Variants in ARAP3 observed in about 807,000 individuals in gnomAD.
ARAP3 encodes ArfGAP with RhoGAP domain, ankyrin repeat and PH domain 3.
ARAP3 carries 82 observed loss-of-function variants against 169.2 expected under a neutral mutation model. The ratio of observed to expected loss-of-function variants is 0.48; its 90% CI spans 0.41 to 0.58. The LOEUF is 0.58. Among genes scored for constraint, ARAP3 ranks in the 20% least tolerant of loss-of-function variants. The pLI is 0.00. For missense variants in ARAP3, 1,764 were observed against 2,018.0 expected (o/e 0.87, Z 2.41); for synonymous variants, 791 against 800.3 (o/e 0.99, Z 0.20).
Position 141,679,964 on chromosome 5 carries a change from T to G in ARAP3, c.523A>C (p.Lys175Gln). 1 of 1,614,116 alleles carries G rather than the reference T, an allele frequency of 6.2e-7. No homozygotes were observed. Residue 175 changes from lysine to glutamine, a missense_variant and splice_region_variant, in exon 2 of 33, where the codon AAG (lysine) becomes CAG (glutamine). By Grantham distance (53) the Lys-to-Gln change is moderately conservative. This residue lies in a region of ARAP3 where 630 missense variants were observed against 678.7 expected (regional missense o/e 0.93). Coordinates refer to ENST00000239440, the MANE Select transcript of ARAP3 (RefSeq NM_022481.6). ...CCCTAGGGAGCCAACTCCACTCACTTGTCCTGAGCTGCCTGTGCCCTGCCT... is the reference window on the plus strand; with the variant it reads ...CCCTAGGGAGCCAACTCCACTCACTGGTCCTGAGCTGCCTGTGCCCTGCCT... ...SRGRAQAAQD[K>Q]APDSSQISAP...
intron 32 of ARAP3, 147 bp downstream of exon 32, chr5:141,655,215 C>CACACA (rs2099909083): frequency 5.5e-5 from 22 of 400,230 alleles, no homozygotes; most frequent in Non-Finnish European, 7.6e-5. Context: ...ACACACACAC[C>CACACA]CTGATGGCCT....
At chr5:141,678,255 T>C (rs760748509) in intron 4 of ARAP3, among the ~76,000 whole-genome samples, 7 of 151,770 alleles carry the variant, frequency 4.6e-5, no homozygotes, top group Non-Finnish European at 1.0e-4. Flanking sequence ...CTGACCCTTA[T>C]CTGGCCTCTT....
In ARAP3 at chr5:141,680,033, C is replaced by T; in HGVS notation, c.454G>A (p.Val152Met). Residue 152 changes from valine to methionine, a missense_variant, in exon 2 of 33, where the codon GTG becomes ATG. Coordinates refer to ENST00000239440, the MANE Select transcript of ARAP3 (RefSeq NM_022481.6). ...TAGATGGAATTAGGCATCATCTCCA[C>T]AGTATTTAGGGCTGAAGACTGCTCA... ...SSEQSSALNT[V>M]EMMPNSIYFG... is the part of the protein sequence containing the mutation. 1 of 1,614,192 alleles carries T rather than the reference C, an allele frequency of 6.2e-7. No homozygotes were observed. Among genetic ancestry groups the T allele is most frequent in the Non-Finnish European group, 8.5e-7 (1 of 1,180,042 alleles).
intron 4 of ARAP3, among the ~76,000 whole-genome samples, 153 bp from the exon 5 acceptor site, chr5:141,673,961 T>C (rs900036248): frequency 9.1e-4 from 16 of 17,660 alleles, no homozygotes; most frequent in Non-Finnish European, 1.7e-3. Flanking sequence ...CTTTTCTTCT[T>C]TTTTTTTTTT....
Position 141,661,719 on chromosome 5 carries a change from G to A in ARAP3, c.3084C>T (p.Arg1028=), listed in dbSNP as rs1182912083. 3 of 1,614,140 alleles carry A rather than the reference G, an allele frequency of 1.9e-6. No individual in the cohort carries two copies. The highest frequency in any genetic ancestry group is 2.5e-6 in the Non-Finnish European group (3 of 1,180,056). ...GCCCAATGAGGGTGGCCAGTGTGCGGCGGTTGACCCGCGGCAGGCAGCCAA... is the reference window on the plus strand; with the variant it reads ...GCCCAATGAGGGTGGCCAGTGTGCGACGGTTGACCCGCGGCAGGCAGCCAA... The part of the protein sequence containing the change: ...DVIGCLPRVN[R]RTLATLIGHL... Residue 1028 remains arginine (R), a synonymous_variant, in exon 21 of 33, where the codon CGC becomes CGT. Transcript: ENST00000239440.
At position 141,672,521 on chromosome 5, in the gene ARAP3, C is replaced by G; in HGVS notation, c.1385+31G>C. On this transcript the variant is annotated intron_variant, in intron 9 of 32. Transcript: ENST00000239440. This position sits in a 1 kb window ranked among gnomAD's most constrained non-coding sequence, Gnocchi z 4.9. The stretch of plus-strand genomic sequence containing the variant: ...CCTTGTGCCTCCCGCAAAAGTCCCC[C>G]AGCCTTGCCTCCCACTGGCCCAGGC... 6.2e-7 allele frequency: 1 copy of G among 1,611,492 alleles called. No homozygotes were observed. Among genetic ancestry groups the G allele is most frequent in the Non-Finnish European group, 8.5e-7 (1 of 1,178,684 alleles).
intron 22 of ARAP3, 51 bp from the exon 23 acceptor site, chr5:141,659,527 G>A: frequency 6.3e-7 from 1 of 1,592,736 alleles, no homozygotes; most frequent in Non-Finnish European, 8.6e-7. Flanking sequence ...GGATCTGCCG[G>A]GAAGATCTCA....
chr5:141,654,030 C>T lies in ARAP3; in HGVS notation c.4555G>A (p.Gly1519Ser). 3 of 1,585,702 alleles carry T rather than the reference C, an allele frequency of 1.9e-6. No homozygotes were observed. Among genetic ancestry groups the T allele is most frequent in the African/African-American group, 1.4e-5 (1 of 74,014 alleles). The change falls in exon 33 of 33, where the codon GGC (glycine) becomes AGC (serine). Residue 1519 changes from glycine to serine, a missense_variant. By Grantham distance (56) the Gly-to-Ser change is moderately conservative (BLOSUM62 0). Transcript: ENST00000239440. ...AAGCCAGGTGTCTGTGTTGGAAGGCCAGTGGGGCTGGGGGATTGGGGGCTG... is the reference window on the plus strand; with the variant it reads ...AAGCCAGGTGTCTGTGTTGGAAGGCTAGTGGGGCTGGGGGATTGGGGGCTG... ...PSSPQSPSPT[G>S]LPTQTPGFPT...
chr5:141,680,895 T>G, intron 1 of ARAP3: 1 of 186,264 alleles, frequency 5.4e-6, no homozygotes, highest in Non-Finnish European at 1.1e-5. Flanking sequence ...GATAGGGAGA[T>G]GCAGAGGAGG....
chr5:141,654,220 G>C lies in ARAP3; in HGVS notation c.4365C>G (p.Thr1455=). 1.2e-6 allele frequency: 2 copies of C among 1,614,162 alleles called. No homozygotes were observed. Among genetic ancestry groups the C allele is most frequent in the Non-Finnish European group, 1.7e-6 (2 of 1,180,016 alleles). ...LDQPFLSKSS[T]LGQEERPPEP... is the part of the protein sequence containing the mutation. ...CAGGTGGCCTCTCCTCCTGGCCAAGGGTGCTTGACTTGGAGAGAAAGGGTT... is the reference window on the plus strand; with the variant it reads ...CAGGTGGCCTCTCCTCCTGGCCAAGCGTGCTTGACTTGGAGAGAAAGGGTT... The change falls in exon 33 of 33, where the codon ACC becomes ACG. Residue 1455 remains threonine (T), a synonymous_variant. Coordinates refer to ENST00000239440, the MANE Select transcript of ARAP3 (RefSeq NM_022481.6).
In ARAP3 at chr5:141,661,922, A is replaced by C. The variant is rs556084376; in HGVS notation, c.3013+121T>G. ...CCCCTTCCCACCTCCCCCTGAGCCA[A>C]GTCTCTGGATGATCCCCCAGGGTGG... On this transcript the variant is annotated intron_variant, in intron 20 of 32. Coordinates refer to ENST00000239440, the MANE Select transcript of ARAP3 (RefSeq NM_022481.6). The C allele has an allele frequency of 1.1e-3, 1,585 of 1,503,854 alleles. 2 individuals carry two copies. Among genetic ancestry groups the C allele is most frequent in the Non-Finnish European group, 1.4e-3 (1,536 of 1,089,702 alleles). The allele number at this position is 1,503,854 out of a possible 1,614,324, so 93.2% of individuals were successfully genotyped here. A position where few individuals can be genotyped will look rare whatever the true frequency, so the allele number is the denominator to read the frequency against.
At chr5:141,662,313 C>CAGATGGGCCGTGGTG in intron 19 of ARAP3, 58 bp from the exon 20 acceptor site, 1 of 1,571,106 alleles carries the variant, frequency 6.4e-7, no homozygotes, top group Non-Finnish European at 8.7e-7. Flanking sequence ...CCACCCACCA[C>CAGATGGGCCGTGGTG]GGCCCATCTG....
chr5:141,662,384 T>C (rs1255871490), intron 19 of ARAP3, 129 bp from the exon 20 acceptor site: 3 of 830,708 alleles, frequency 3.6e-6, no homozygotes, highest in Non-Finnish European at 5.7e-6. Flanking sequence ...AGGAGATCTA[T>C]GCCTCCATGT....
chr5:141,667,096 T>C (rs964297939), intron 16 of ARAP3, among the ~76,000 whole-genome samples: 2 of 151,974 alleles, frequency 1.3e-5, no homozygotes, highest in African/African-American at 4.8e-5. Flanking sequence ...ACTTTTTTTG[T>C]AGAGATAGGG....
chr5:141,655,429 G>A (rs1415560845), intron 31 of ARAP3, 29 bp from the exon 32 acceptor site: 4 of 1,586,366 alleles, frequency 2.5e-6, no homozygotes, highest in African/African-American at 2.7e-5. Flanking sequence ...GGGACAAGGG[G>A]AAGGAAAGAC....
rs144278581 is a variant in ARAP3 at position 141,673,728 on chromosome 5, G to A, written c.779C>T (p.Ser260Leu). 36 of 1,614,070 alleles carry A rather than the reference G, an allele frequency of 2.2e-5. No homozygotes were observed. Among genetic ancestry groups the A allele is most frequent in the African/African-American group, 1.5e-4 (11 of 74,924 alleles). The change falls in exon 5 of 33, where the codon TCG becomes TTG. Residue 260 changes from serine (S) to leucine (L), a missense_variant. Physicochemically the swap from Ser to Leu is moderately radical, Grantham distance 145. This residue lies in a region of ARAP3 where 630 missense variants were observed against 678.7 expected (regional missense o/e 0.93). Coordinates refer to ENST00000239440, the MANE Select transcript of ARAP3 (RefSeq NM_022481.6). Reference sequence around the variant, plus strand: ...GGTCTCCTCTGTTTCCAGGGTGGGCGATAAGAGGGTGGAGTCTCCAGGTAG... The same window carrying A: ...GGTCTCCTCTGTTTCCAGGGTGGGCAATAAGAGGGTGGAGTCTCCAGGTAG... ...LELPGDSTLL[S>L]PTLETEETSD...
At position 141,673,780 on chromosome 5, in the gene ARAP3, C is replaced by T. The variant is rs749515596; in HGVS notation, c.727G>A (p.Glu243Lys). 2 of 1,614,142 alleles carry T rather than the reference C, an allele frequency of 1.2e-6. No individual in the cohort carries two copies. Among genetic ancestry groups the T allele is most frequent in the South Asian group, 2.2e-5 (2 of 91,080 alleles). The change falls in exon 5 of 33, where the codon GAG (glutamate) becomes AAG (lysine). Residue 243 changes from glutamate to lysine, a missense_variant. By Grantham distance (56) the Glu-to-Lys change is moderately conservative (BLOSUM62 1). This residue lies in a region of ARAP3 where 630 missense variants were observed against 678.7 expected (regional missense o/e 0.93). Coordinates refer to ENST00000239440, the MANE Select transcript of ARAP3 (RefSeq NM_022481.6). The stretch of plus-strand genomic sequence containing the variant: ...TCAAGGCTGGCATAGCCAGCATCCT[C>T]CCGTGCCTCCAGATCCTGTCTGCTG... ...RLSRQDLEAREDAGYASLELP... is the reference protein window; with the variant it reads ...RLSRQDLEARKDAGYASLELP...
At chr5:141,679,688 G>A (rs1453903385) in intron 3 of ARAP3, 32 bp from the exon 4 acceptor site, 2 of 1,613,932 alleles carry the variant, frequency 1.2e-6, no homozygotes, top group Non-Finnish European at 8.5e-7. Context: ...GCACAAGGAA[G>A]AGGAGATCGC....
intron 28 of ARAP3, 47 bp from the exon 29 acceptor site, chr5:141,656,146 G>A: frequency 6.2e-7 from 1 of 1,614,132 alleles, no homozygotes; most frequent in Middle Eastern, 1.6e-4. Context: ...GGGCAGGGGG[G>A]TGAAGGCAGG....
Sources: gnomAD v4.1 joint callset for allele counts (sites outside exome capture counted in the v4.1 genomes callset) on GRCh38, gnomAD v4.1.1 for gene constraint, gnomAD v4.1.1 regional missense constraint, Gnocchi (gnomAD v3.1) non-coding constraint, MANE v1.5 for transcripts, NCBI Gene and HGNC (gene_info 2026-07-23, HGNC 2026-07-21) for gene names.